The following MZT2A variants were observed in gnomAD, a reference collection of about 807,000 sequenced individuals.
The protein encoded by MZT2A is mitotic-spindle organizing protein 2A.
In MZT2A, 8 loss-of-function variants were observed where a neutral mutation model predicts 12.4. That is an observed-to-expected ratio of 0.64 (90% CI 0.38 to 1.16). MZT2A has a LOEUF of 1.16. Among genes scored for constraint, MZT2A ranks in the 50% most tolerant of loss-of-function variants. The probability of loss-of-function intolerance (pLI) is 0.01; values close to 1 mark genes in which losing one functional copy is unlikely to be tolerated. For missense variants in MZT2A, 181 were observed against 223.6 expected (o/e 0.81, Z 1.22); for synonymous variants, 88 against 107.5 (o/e 0.82, Z 1.12).
downstream of MZT2A, chr2:131,482,618 G>A (rs140890567): frequency 1.5e-5 from 24 of 1,614,078 alleles, no homozygotes; most frequent in African/African-American, 5.3e-5. Flanking sequence ...GCAGCGGGCC[G>A]TGTGCATGCT....
At chr2:131,490,528 A>C (rs1380481853) in intron 2 of MZT2A, 1 of 1,461,374 alleles carries the variant, frequency 6.8e-7, no homozygotes, top group African/African-American at 1.4e-5. Flanking sequence ...GGGTCTAGAG[A>C]CTGCCACACC....
At chr2:131,482,441 C>A, downstream of MZT2A, 8 of 1,465,230 alleles carry the variant, frequency 5.5e-6, no homozygotes, top group South Asian at 8.3e-5. Context: ...GTGAGGTGAA[C>A]TGAGCATTCT....
chr2:131,482,336 G>A (rs922879873), downstream of MZT2A, among the ~76,000 whole-genome samples: 7 of 152,164 alleles, frequency 4.6e-5, no homozygotes, highest in African/African-American at 1.4e-4. Context: ...GGTAGCTTGG[G>A]ATCCCACCAG....
At chr2:131,493,218 G>GA (rs1288493318), upstream of MZT2A, 9 of 1,367,452 alleles carry the variant, frequency 6.6e-6, no homozygotes, top group Non-Finnish European at 7.5e-6. Flanking sequence ...GGCCATCTCC[G>GA]TTCCTCCGCG....
Position 131,484,231 on chromosome 2 carries a change from A to G in MZT2A, c.320-13T>C. Reference sequence around the variant, plus strand: ...CCTTTGTCTCTCCCTAAGGAGACACAAAGCACAATGATTAGGAATGGACGC... The same window carrying G: ...CCTTTGTCTCTCCCTAAGGAGACACGAAGCACAATGATTAGGAATGGACGC... On this transcript the variant is annotated splice_polypyrimidine_tract_variant and intron_variant, in intron 2 of 2. Transcript: ENST00000309451. The G allele has an allele frequency of 1.2e-6, 2 of 1,612,610 alleles. No homozygotes were observed.
upstream of MZT2A, chr2:131,492,988 G>C: frequency 1.3e-6 from 2 of 1,517,174 alleles, no homozygotes; most frequent in Non-Finnish European, 1.8e-6. Flanking sequence ...CTTTGCGCAC[G>C]TACCTTTTGA....
At chr2:131,492,640 A>C (rs974124141), upstream of MZT2A, 2 of 1,234,686 alleles carry the variant, frequency 1.6e-6, no homozygotes, top group Non-Finnish European at 2.0e-6. Flanking sequence ...GGCGTCCCTG[A>C]TAGACTTGCA....
chr2:131,481,248 A>G (rs187950167), downstream of MZT2A, among the ~76,000 whole-genome samples: 113 of 151,618 alleles, frequency 7.5e-4, no homozygotes, highest in African/African-American at 2.3e-3. Context: ...CACACTATAT[A>G]TCTGTGGTGA....
At chr2:131,492,078 T>G (rs1679341460) in intron 1 of MZT2A, 54 bp from the exon 2 acceptor site, 4 of 1,567,354 alleles carry the variant, frequency 2.6e-6, no homozygotes, top group Non-Finnish European at 3.5e-6. Context: ...CGCGGCCACC[T>G]CCCTGAAGAC....
chr2:131,480,440 T>C (rs1360442754), downstream of MZT2A: 6 of 1,589,038 alleles, frequency 3.8e-6, 1 homozygote, highest in Admixed American at 3.4e-5. Context: ...GGGCCCTGAA[T>C]GTGGACTTGA....
At chr2:131,479,220 G>A (rs545655494), downstream of MZT2A, 6 of 1,532,680 alleles carry the variant, frequency 3.9e-6, no homozygotes, top group East Asian at 1.1e-4. Context: ...AACAGCATGT[G>A]CTCTGTAGAA....
chr2:131,477,148 C>T (rs1678702574), intron 2 of MZT2A, among the ~76,000 whole-genome samples: 1 of 151,848 alleles, frequency 6.6e-6, no homozygotes, highest in South Asian at 2.1e-4. Flanking sequence ...AGCAGCCCTC[C>T]CACCTCAGCC....
intron 2 of MZT2A, among the ~76,000 whole-genome samples, chr2:131,485,750 T>C (rs555719955): frequency 7.9e-5 from 12 of 152,174 alleles, no homozygotes; most frequent in African/African-American, 2.6e-4. Context: ...TGTAGTCAAA[T>C]ACCCTGCAAA....
chr2:131,492,844 A>C (rs1417837500), upstream of MZT2A: 1 of 1,475,002 alleles, frequency 6.8e-7, no homozygotes, highest in Non-Finnish European at 9.1e-7. Context: ...CTTGCTAGGG[A>C]GAAAGTGCGT....
chr2:131,490,455 C>T (rs1679245197), intron 2 of MZT2A: 5 of 1,358,424 alleles, frequency 3.7e-6, no homozygotes, highest in Non-Finnish European at 3.8e-6. Context: ...TTTACACTCA[C>T]CACTAGTTCG....
downstream of MZT2A, chr2:131,482,809 T>C (rs761848807): frequency 3.7e-6 from 6 of 1,614,192 alleles, no homozygotes; most frequent in Non-Finnish European, 5.1e-6. Flanking sequence ...TGGGCGTGGA[T>C]TCCGTGGAAG....
chr2:131,493,104 T>A (rs1559367623), upstream of MZT2A: 4 of 1,494,142 alleles, frequency 2.7e-6, no homozygotes, highest in Non-Finnish European at 3.6e-6. Flanking sequence ...AATGGCGGCT[T>A]CCACCTCTGA....
At chr2:131,474,527 A>G (rs1678589835) in intron 2 of MZT2A, among the ~76,000 whole-genome samples, 1 of 148,372 alleles carries the variant, frequency 6.7e-6, no homozygotes. Context: ...ATCCTACCTC[A>G]GCCTCCCAAG....
At chr2:131,492,960 G>C (rs1325574632), upstream of MZT2A, 13 of 1,524,058 alleles carry the variant, frequency 8.5e-6, no homozygotes, top group Middle Eastern at 7.2e-4. Context: ...TCCCTGGCCG[G>C]CCGGCCGGCC....
Sources: gnomAD v4.1 joint callset for allele counts (sites outside exome capture counted in the v4.1 genomes callset) on GRCh38, gnomAD v4.1.1 for gene constraint, MANE v1.5 for transcripts, NCBI Gene and HGNC (gene_info 2026-07-23, HGNC 2026-07-21) for gene names.